Variants in RPE observed in about 807,000 individuals in gnomAD.
The protein encoded by RPE is ribulose-5-phosphate-3-epimerase.
In RPE, 16 loss-of-function variants were observed where a neutral mutation model predicts 24.6. The ratio of observed to expected loss-of-function variants is 0.65; its 90% CI spans 0.44 to 0.99. The LOEUF (loss-of-function observed/expected upper bound fraction) is 0.99. Among genes scored for constraint, RPE ranks in the 50% least tolerant of loss-of-function variants. The pLI, the probability that RPE is intolerant of heterozygous loss-of-function variation, is 0.00. For missense variants in RPE, 240 were observed against 294.5 expected (o/e 0.81, Z 1.35); for synonymous variants, 93 against 98.4 (o/e 0.94, Z 0.33).
intron 2 of RPE, among the ~76,000 whole-genome samples, chr2:210,011,727 A>G (rs978374179): frequency 2.0e-5 from 3 of 152,064 alleles, no homozygotes; most frequent in Admixed American, 6.5e-5. Context: ...GCAAGAGTAC[A>G]GTGGTACAGT....
intron 1 of RPE, among the ~76,000 whole-genome samples, chr2:210,008,224 T>C (rs1336547437): frequency 6.6e-6 from 1 of 152,204 alleles, no homozygotes; most frequent in Admixed American, 6.5e-5. Flanking sequence ...CGTATTTCCT[T>C]TACAAAACAG....
chr2:210,007,301 T>TC (rs1432493619), intron 1 of RPE, among the ~76,000 whole-genome samples: 1 of 152,234 alleles, frequency 6.6e-6, no homozygotes, highest in African/African-American at 2.4e-5. Context: ...GTATTTTAAC[T>TC]CCCCTCCCAC....
rs969869165 is a variant in RPE, at chr2:210,021,621, G to A, written c.*1830G>A. 3 of 152,480 alleles carry A rather than the reference G, an allele frequency of 2.0e-5. No individual in the cohort carries two copies. Among genetic ancestry groups the A allele is most frequent in the Admixed American group, 6.6e-5 (1 of 15,266 alleles). 9.4% of individuals were successfully genotyped at this position (152,480 alleles called of 1,614,324 possible). ...AATTTTTTACCCCTTAAAAGGACTA[G>A]TATAATTTCCAATCTCTAACAAAAA... On this transcript the variant is annotated 3_prime_UTR_variant, in exon 6 of 6. Transcript: ENST00000359429.
chr2:210,015,625 C>G (rs993299831), intron 2 of RPE, among the ~76,000 whole-genome samples: 1 of 152,088 alleles, frequency 6.6e-6, no homozygotes, highest in African/African-American at 2.4e-5. Flanking sequence ...TTAATTTTTC[C>G]TAGAGGAAAC....
intron 1 of RPE, among the ~76,000 whole-genome samples, chr2:210,003,648 T>G (rs1471185246): frequency 6.6e-6 from 1 of 152,188 alleles, no homozygotes; most frequent in Non-Finnish European, 1.5e-5. Context: ...TGCCAAGTAG[T>G]TCTCTGAGCC....
At chr2:210,013,012 T>G (rs886696859) in intron 2 of RPE, among the ~76,000 whole-genome samples, 6 of 152,210 alleles carry the variant, frequency 3.9e-5, no homozygotes, top group Non-Finnish European at 7.3e-5. Context: ...GTTTACAGAG[T>G]GCACACTGCA....
intron 1 of RPE, among the ~76,000 whole-genome samples, chr2:210,003,769 A>C (rs773791698): frequency 1.1e-4 from 17 of 152,140 alleles, no homozygotes; most frequent in Non-Finnish European, 2.2e-4. Flanking sequence ...TCAGTTTGCA[A>C]ATTGGTGTTA....
In RPE at chr2:210,002,693, T is replaced by A; in HGVS notation, c.32T>A (p.Ile11Asn). The change falls in exon 1 of 6, where the codon ATC becomes AAC. Residue 11 changes from isoleucine (I) to asparagine (N), a missense_variant. Coordinates refer to ENST00000359429, the MANE Select transcript of RPE (RefSeq NM_199229.3). ...TCGGGCTGCAAGATTGGCCCGTCCA[T>A]CCTCAACAGCGACCTGGCCAATTTA... is the stretch of plus-strand genomic sequence containing the variant. The part of the protein sequence containing the change: MASGCKIGPS[I>N]LNSDLANLGA... 1.2e-6 allele frequency: 2 copies of A among 1,614,042 alleles called. No individual in the cohort carries two copies. Among genetic ancestry groups the A allele is most frequent in the Non-Finnish European group, 1.7e-6 (2 of 1,179,958 alleles).
rs769009455 is a variant in RPE, at chr2:210,017,519, A to G, written c.524A>G (p.Asp175Gly). Residue 175 changes from aspartate to glycine, a missense_variant, in exon 5 of 6, where the codon GAT becomes GGT. By Grantham distance (94) the Asp-to-Gly change is moderately conservative. Coordinates refer to ENST00000359429, the MANE Select transcript of RPE (RefSeq NM_199229.3). ...TTCCCATCTTTGGATATAGAGGTCG[A>G]TGGTGGAGTAGGTCCTGACACTGTC... ...TQFPSLDIEVDGGVGPDTVHK... is the reference protein window; with the variant it reads ...TQFPSLDIEVGGGVGPDTVHK... 1 of 1,610,228 alleles carries G rather than the reference A, an allele frequency of 6.2e-7. No individual in the cohort carries two copies. Among genetic ancestry groups the G allele is most frequent in the African/African-American group, 1.4e-5 (1 of 73,402 alleles).
At chr2:210,008,407 T>G (rs2093659017) in intron 1 of RPE, among the ~76,000 whole-genome samples, 1 of 150,044 alleles carries the variant, frequency 6.7e-6, no homozygotes, top group African/African-American at 2.4e-5. Flanking sequence ...GCGATCTTCC[T>G]GCCTCAGCCT....
rs1314513367 is a variant in RPE, at chr2:210,016,335, G to T, written c.343-172G>T. ...AACTTCTTTGTCACATAGCATTTAT[G>T]TATTCCACTAAAGTTTTCTGAAAGC... On this transcript the variant is annotated intron_variant, in intron 3 of 5. Coordinates refer to ENST00000359429, the MANE Select transcript of RPE (RefSeq NM_199229.3). The T allele has an allele frequency of 4.1e-5, 64 of 1,577,738 alleles. 1 individual carries two copies. Among genetic ancestry groups the T allele is most frequent in the Non-Finnish European group, 1.7e-6 (2 of 1,165,312 alleles).
rs1197488573 is a variant in RPE, at chr2:210,021,346, T to C, written c.*1555T>C. On this transcript the variant is annotated 3_prime_UTR_variant, in exon 6 of 6. Coordinates refer to ENST00000359429, the MANE Select transcript of RPE (RefSeq NM_199229.3). ...TCCTGCATTACAAGGTAAAAATTTG[T>C]TAATGTTTGTTTTTATTCAGCTTGG... is the stretch of plus-strand genomic sequence containing the variant. 6.6e-6 allele frequency: 1 copy of C among 152,408 alleles called. No individual in the cohort carries two copies. Among genetic ancestry groups the C allele is most frequent in the East Asian group, 1.9e-4 (1 of 5,194 alleles). 9.4% of individuals were successfully genotyped at this position (152,408 alleles called of 1,614,324 possible).
intron 1 of RPE, among the ~76,000 whole-genome samples, chr2:210,009,160 G>A (rs2723210): frequency 1 from 152,156 of 152,362 alleles, 75,975 homozygotes; most frequent in Non-Finnish European, 1. Flanking sequence ...GTAAACCCTC[G>A]GTGAAAGGTG....
chr2:210,012,855 A>G (rs1451246695), intron 2 of RPE, among the ~76,000 whole-genome samples: 1 of 152,220 alleles, frequency 6.6e-6, no homozygotes, highest in African/African-American at 2.4e-5. Flanking sequence ...ATTTTACCAA[A>G]TGTGATTTTG....
chr2:210,003,823 G>C (rs1185593896), intron 1 of RPE, among the ~76,000 whole-genome samples: 1 of 152,112 alleles, frequency 6.6e-6, no homozygotes, highest in Non-Finnish European at 1.5e-5. Context: ...ATGTTAATCT[G>C]GCTTTGAAGA....
In RPE at chr2:210,021,829, G is replaced by C. The variant is rs529691583; in HGVS notation, c.*2038G>C. 1 of 151,314 alleles carries C rather than the reference G, an allele frequency of 6.6e-6. No homozygotes were observed. The highest frequency in any genetic ancestry group is 1.5e-5 in the Non-Finnish European group (1 of 67,828). The allele number at this position is 151,314 out of a possible 1,614,324, so 9.4% of individuals were successfully genotyped here. On this transcript the variant is annotated 3_prime_UTR_variant, in exon 6 of 6. Coordinates refer to ENST00000359429, the MANE Select transcript of RPE (RefSeq NM_199229.3). ...AATTTTCTTTCATGTATACTCTTCA[G>C]TATCCAATATTGAAGCTTTGTTCTT...
intron 2 of RPE, among the ~76,000 whole-genome samples, chr2:210,014,171 AAG>A (rs1167978921): frequency 2.8e-4 from 42 of 151,950 alleles, no homozygotes; most frequent in African/African-American, 9.9e-4. Flanking sequence ...GGCTGACTGC[AAG>A]CTCCGCCTCC....
At chr2:210,015,540 C>G (rs2093759507) in intron 2 of RPE, among the ~76,000 whole-genome samples, 1 of 152,160 alleles carries the variant, frequency 6.6e-6, no homozygotes, top group Non-Finnish European at 1.5e-5. Context: ...TGTTTTTGCT[C>G]TAACCCTAGG....
intron 1 of RPE, 85 bp from the exon 2 acceptor site, chr2:210,009,568 TCCCC>T: frequency 6.7e-7 from 1 of 1,502,180 alleles, no homozygotes; most frequent in Non-Finnish European, 9.3e-7. Flanking sequence ...TTGCAGACAA[TCCCC>T]TCAACCTGTG....
Sources: gnomAD v4.1 joint callset for allele counts (sites outside exome capture counted in the v4.1 genomes callset) on GRCh38, gnomAD v4.1.1 for gene constraint, MANE v1.5 for transcripts, NCBI Gene and HGNC (gene_info 2026-07-23, HGNC 2026-07-21) for gene names.